ODAD4: variants seen among roughly 807,000 people sequenced by gnomAD.
ODAD4 encodes outer dynein arm-docking complex subunit 4.
In ODAD4, 49 loss-of-function variants were observed where a neutral mutation model predicts 51.8. The ratio of observed to expected loss-of-function variants is 0.95; its 90% CI spans 0.75 to 1.20. ODAD4 has a LOEUF of 1.20. Among genes scored for constraint, ODAD4 ranks in the 50% most tolerant of loss-of-function variants. The pLI is 0.00. For synonymous variants in ODAD4, 235 were observed against 221.3 expected (o/e 1.06, Z -0.55); for missense variants, 590 against 586.5 (o/e 1.01, Z -0.06).
intron 10 of ODAD4, among the ~76,000 whole-genome samples, chr17:41,958,020 T>G (rs868995770): frequency 1.3e-5 from 2 of 152,154 alleles, no homozygotes; most frequent in Non-Finnish European, 2.9e-5. Context: ...CAAGCGATCC[T>G]CCTGTCTCAG....
chr17:41,930,881 C>CTTTTTTTTTTTT lies in ODAD4; in HGVS notation c.114+62_114+73dup, dbSNP rs782820445. ...CTATCCATCACCCCATCACCCGTCACTTTTTTTTTTTTTTTTTTTTTTTTT... is the reference window on the plus strand; with the variant it reads ...CTATCCATCACCCCATCACCCGTCACTTTTTTTTTTTTTTTTTTTTTTTTTTTTTTTTTTTTT... On this transcript the variant is annotated intron_variant, in intron 1 of 11. Coordinates refer to ENST00000377540, the MANE Select transcript of ODAD4 (RefSeq NM_031421.5). The CTTTTTTTTTTTT allele has an allele frequency of 6.0e-4, 58 of 97,236 alleles. 5 individuals are homozygous for CTTTTTTTTTTTT. Among genetic ancestry groups the CTTTTTTTTTTTT allele is most frequent in the South Asian group, 1.2e-3 (17 of 13,792 alleles). 6.0% of individuals were successfully genotyped at this position (97,236 alleles called of 1,614,324 possible).
chr17:41,962,526 A>G (rs4796750), intron 11 of ODAD4, among the ~76,000 whole-genome samples: 102,045 of 151,998 alleles, frequency 0.67, 35,690 homozygotes, highest in East Asian at 0.84. Flanking sequence ...ACCCCCATTC[A>G]TGCTTCCCGC....
Position 41,961,363 on chromosome 17 carries a change from C to T in ODAD4, c.1444-19C>T. The T allele has an allele frequency of 4.1e-6, 3 of 734,692 alleles. No individual in the cohort carries two copies. Among genetic ancestry groups the T allele is most frequent in the Non-Finnish European group, 7.6e-6 (3 of 394,522 alleles). The allele number at this position is 734,692 out of a possible 1,614,324, so 45.5% of individuals were successfully genotyped here. A position where few individuals can be genotyped will look rare whatever the true frequency, so the allele number is the denominator to read the frequency against. On this transcript the variant is annotated intron_variant, in intron 10 of 11. Coordinates refer to ENST00000377540, the MANE Select transcript of ODAD4 (RefSeq NM_031421.5). ...GTAGGTGCCAAACACAGGGGCTAAG[C>T]TCCCTCTACCATCCACAGGCCTTGG... is the stretch of plus-strand genomic sequence containing the variant.
chr17:41,960,035 A>G (rs2050784014), intron 10 of ODAD4, among the ~76,000 whole-genome samples: 2 of 152,204 alleles, frequency 1.3e-5, no homozygotes, highest in Non-Finnish European at 2.9e-5. Context: ...CAGATGTACC[A>G]TGCGCCACAT....
Position 41,936,457 on chromosome 17 carries a change from G to A in ODAD4, c.398-16G>A, listed in dbSNP as rs782327944. The A allele has an allele frequency of 3.1e-6, 5 of 1,609,248 alleles. No individual in the cohort carries two copies. The highest frequency in any genetic ancestry group is 2.2e-5 in the East Asian group (1 of 44,864). ...GGGGGTCTGGCCGACCTGAGCTCCA[G>A]CTTCTTTCCTTGCAGGTCCTTCTTC... On this transcript the variant is annotated splice_polypyrimidine_tract_variant and intron_variant, in intron 3 of 11. Coordinates refer to ENST00000377540, the MANE Select transcript of ODAD4 (RefSeq NM_031421.5).
chr17:41,950,853 C>T (rs1309063454), intron 9 of ODAD4, among the ~76,000 whole-genome samples: 4 of 151,764 alleles, frequency 2.6e-5, no homozygotes, highest in African/African-American at 7.3e-5. Context: ...GGATTACAGG[C>T]GTGTGCCACC....
chr17:41,954,579 C>T (rs782115003), intron 9 of ODAD4, among the ~76,000 whole-genome samples: 1 of 151,854 alleles, frequency 6.6e-6, no homozygotes, highest in Non-Finnish European at 1.5e-5. Context: ...TCTGGCCGAG[C>T]GGTGGCTCAC....
chr17:41,965,539 T>G lies in ODAD4; in HGVS notation c.*56T>G. On this transcript the variant is annotated 3_prime_UTR_variant, in exon 12 of 12. Coordinates refer to ENST00000377540, the MANE Select transcript of ODAD4 (RefSeq NM_031421.5). ...TGGTGTTCAGAGGGATCATGGGATTTTATTAAACTGGATTTTCAAGCGATT... is the reference window on the plus strand; with the variant it reads ...TGGTGTTCAGAGGGATCATGGGATTGTATTAAACTGGATTTTCAAGCGATT... 1.4e-6 allele frequency: 1 copy of G among 702,146 alleles called. No individual in the cohort carries two copies. The highest frequency in any genetic ancestry group is 2.6e-6 in the Non-Finnish European group (1 of 389,412). 43.5% of individuals were successfully genotyped at this position (702,146 alleles called of 1,614,324 possible).
intron 7 of ODAD4, 57 bp from the exon 8 acceptor site, chr17:41,945,079 A>G: frequency 2.1e-6 from 3 of 1,405,150 alleles, no homozygotes; most frequent in Non-Finnish European, 3.0e-6. Flanking sequence ...TCCTATTTCC[A>G]CAGTGCCTAG....
chr17:41,946,171 G>A lies in ODAD4; in HGVS notation c.1145+949G>A, dbSNP rs1419850560. Among the ~76,000 whole-genome samples the A allele has an allele frequency of 3.9e-5, 6 of 152,250 alleles. No individual in the cohort carries two copies. In the East Asian group the frequency reaches 7.7e-4, roughly 20 times the overall value. On this transcript the variant is annotated intron_variant, in intron 8 of 11. Transcript: ENST00000377540. Reference sequence around the variant, plus strand: ...TCCTCTCACCAGTGGAGTGCCCCCCGAAGGTCAAGCTCCACCATTTTGTCT... The same window carrying A: ...TCCTCTCACCAGTGGAGTGCCCCCCAAAGGTCAAGCTCCACCATTTTGTCT...
intron 4 of ODAD4, 66 bp from the exon 5 acceptor site, chr17:41,936,696 A>G: frequency 1.9e-6 from 3 of 1,589,214 alleles, no homozygotes; most frequent in South Asian, 1.1e-5. Flanking sequence ...CACAGACCCT[A>G]GGGCCATGGC....
At position 41,955,316 on chromosome 17, in the gene ODAD4, G is replaced by A. The variant is rs781830576; in HGVS notation, c.1442G>A (p.Ser481Asn). ...HNNEAQQAIISALDDANKGII... is the reference protein window; with the variant it reads ...HNNEAQQAIINALDDANKGII... The stretch of plus-strand genomic sequence containing the variant: ...AACGAGGCGCAGCAGGCCATCATCA[G>A]TGTGAGCCTTTCCACCCGCCGGGCT... Residue 481 changes from serine (S) to asparagine (N), a missense_variant and splice_region_variant, in exon 10 of 12, where the codon AGT (serine) becomes AAT (asparagine). Around this residue, in one of 3 missense-constraint regions of ODAD4, gnomAD observed 226 missense variants for 162.7 expected, o/e 1.39. Transcript: ENST00000377540. 1.3e-6 allele frequency: 1 copy of A among 776,680 alleles called. No individual in the cohort carries two copies. Among genetic ancestry groups the A allele is most frequent in the Admixed American group, 1.7e-5 (1 of 58,602 alleles). The allele number at this position is 776,680 out of a possible 1,614,324, so 48.1% of individuals were successfully genotyped here. A position where few individuals can be genotyped will look rare whatever the true frequency, so the allele number is the denominator to read the frequency against.
At position 41,938,601 on chromosome 17, in the gene ODAD4, C is replaced by A; in HGVS notation, c.670C>A (p.Leu224Ile). 2 of 1,613,926 alleles carry A rather than the reference C, an allele frequency of 1.2e-6. No individual in the cohort carries two copies. Among genetic ancestry groups the A allele is most frequent in the Non-Finnish European group, 1.7e-6 (2 of 1,179,888 alleles). Residue 224 changes from leucine to isoleucine, a missense_variant, in exon 6 of 12, where the codon CTC becomes ATC. Physicochemically the swap from Leu to Ile is conservative, Grantham distance 5. Transcript: ENST00000377540. ...GAAGGGCGGCCTGACTGTGGAGGAC[C>A]TCATCATGACGGGCATCAACTACCT... ...TMKGGLTVED[L>I]IMTGINYLDT...
chr17:41,957,057 A>AC (rs2050743023), intron 10 of ODAD4, among the ~76,000 whole-genome samples: 4 of 151,932 alleles, frequency 2.6e-5, no homozygotes. Flanking sequence ...GATGCATGTC[A>AC]CCATGCTGGG....
intron 3 of ODAD4, 97 bp from the exon 4 acceptor site, chr17:41,936,376 A>G: frequency 1.2e-6 from 1 of 861,310 alleles, no homozygotes; most frequent in Non-Finnish European, 1.9e-6. Context: ...AGCCTCCACC[A>G]TCCCCCTGCC....
rs2050311453 is a variant in ODAD4, at chr17:41,930,654, A to G, written c.-70A>G. 2 of 1,051,944 alleles carry G rather than the reference A, an allele frequency of 1.9e-6. No homozygotes were observed. 65.2% of individuals were successfully genotyped at this position (1,051,944 alleles called of 1,614,324 possible). ...ATGGTTGCTAAGAAACGGAGCTTCC[A>G]CAAACCAGATAGAGGTTCTCCAGCT... is the stretch of plus-strand genomic sequence containing the variant. On this transcript the variant is annotated 5_prime_UTR_variant, in exon 1 of 12. Coordinates refer to ENST00000377540, the MANE Select transcript of ODAD4 (RefSeq NM_031421.5).
At chr17:41,942,983 C>T (rs2050527381) in intron 7 of ODAD4, among the ~76,000 whole-genome samples, 1 of 152,176 alleles carries the variant, frequency 6.6e-6, no homozygotes, top group African/African-American at 2.4e-5. Context: ...CTACCTCACC[C>T]TCCTGAGTAG....
intron 9 of ODAD4, among the ~76,000 whole-genome samples, chr17:41,951,141 G>A (rs1341120612): frequency 7.3e-5 from 11 of 150,788 alleles, no homozygotes; most frequent in African/African-American, 2.7e-4. Context: ...CTGGAGTGCA[G>A]TGGCACAATC....
intron 1 of ODAD4, among the ~76,000 whole-genome samples, chr17:41,934,038 C>CTTTTTTTTTTTTTT (rs782039270): frequency 2.7e-4 from 18 of 65,512 alleles, no homozygotes; most frequent in East Asian, 4.9e-4. Flanking sequence ...TTCTTTCTTT[C>CTTTTTTTTTTTTTT]TTTTTTTTTT....
Sources: gnomAD v4.1 joint callset for allele counts (sites outside exome capture counted in the v4.1 genomes callset) on GRCh38, gnomAD v4.1.1 for gene constraint, gnomAD v4.1.1 regional missense constraint, MANE v1.5 for transcripts, NCBI Gene and HGNC (gene_info 2026-07-23, HGNC 2026-07-21) for gene names.